The following TMEM51 variants were observed in gnomAD, a reference collection of about 807,000 sequenced individuals.
TMEM51 encodes transmembrane protein 51.
Under a neutral mutation model 13.6 loss-of-function variants are expected in TMEM51, and 8 were observed. That is an observed-to-expected ratio of 0.59 (90% CI 0.35 to 1.07). The LOEUF is 1.07. Ranked by LOEUF, TMEM51 falls within the 50% of genes least tolerant of loss-of-function variation. The pLI is 0.02. For missense variants in TMEM51, 279 were observed against 330.7 expected, an observed-to-expected ratio of 0.84 and a Z score of 1.21; for synonymous variants, 147 against 144.4, an observed-to-expected ratio of 1.02 and a Z score of -0.13.
At chr1:15,192,119 G>C in intron 1 of TMEM51, 2 of 468,536 alleles carry the variant, frequency 4.3e-6, no homozygotes, top group South Asian at 3.3e-5. Context: ...CTGACCAGCT[G>C]TCCGTTTTGA....
chr1:15,212,470 C>G lies in TMEM51; in HGVS notation c.-194+1908C>G, dbSNP rs189538973. Among the ~76,000 whole-genome samples the G allele has an allele frequency of 1.8e-3, 250 of 140,066 alleles. 1 individual carries two copies. Among genetic ancestry groups the G allele is most frequent in the African/African-American group, 6.0e-3 (241 of 39,924 alleles). The allele number at this position is 140,066 out of a possible 152,430, so 91.9% of individuals were successfully genotyped here. ...GCGGCTCAAATCACTAGTCTGCTAA[C>G]CACACTCTCAGCGTCCCACGTACAA... On this transcript the variant is annotated intron_variant, in intron 2 of 3. Coordinates refer to ENST00000376008, the MANE Select transcript of TMEM51 (RefSeq NM_001136218.2).
At chr1:15,185,680 T>C (rs1013872524) in intron 1 of TMEM51, among the ~76,000 whole-genome samples, 14 of 152,218 alleles carry the variant, frequency 9.2e-5, no homozygotes, top group African/African-American at 3.4e-4. Flanking sequence ...CTGTGACAGG[T>C]GATCTCCAAA....
intron 1 of TMEM51, among the ~76,000 whole-genome samples, chr1:15,175,951 A>G (rs1406965433): frequency 6.6e-6 from 1 of 152,172 alleles, no homozygotes; most frequent in East Asian, 1.9e-4. Context: ...TCTCAGTGAA[A>G]ATGTTGTCCT....
chr1:15,204,896 C>CG (rs1256500663), intron 1 of TMEM51, among the ~76,000 whole-genome samples: 2 of 151,844 alleles, frequency 1.3e-5, no homozygotes. Flanking sequence ...TTGCCAGGGT[C>CG]GGGGGGCTGC....
intron 1 of TMEM51, among the ~76,000 whole-genome samples, chr1:15,206,888 T>TCCC (rs921142017): frequency 4.6e-5 from 7 of 152,186 alleles, no homozygotes; most frequent in African/African-American, 1.7e-4. Context: ...GTCTAAAAGA[T>TCCC]CCCTGGTGCT....
At chr1:15,199,953 G>A (rs1644123253) in intron 1 of TMEM51, among the ~76,000 whole-genome samples, 1 of 152,150 alleles carries the variant, frequency 6.6e-6, no homozygotes, top group Non-Finnish European at 1.5e-5. Context: ...TACCGTGGAG[G>A]TTGTGAGCAC....
At chr1:15,166,231 A>T (rs182051374) in intron 1 of TMEM51, among the ~76,000 whole-genome samples, 1 of 152,314 alleles carries the variant, frequency 6.6e-6, no homozygotes, top group Admixed American at 6.5e-5. Flanking sequence ...TAGGCTTGTT[A>T]TGCATCCCAC....
In TMEM51 at chr1:15,164,194, AC is replaced by A. The variant is rs539165260; in HGVS notation, c.-267+10241del. The A allele has an allele frequency of 2.9e-4, 109 of 379,446 alleles. 2 individuals are homozygous for A. The highest frequency in any genetic ancestry group is 2.3e-3 in the African/African-American group (108 of 47,332). 23.5% of individuals were successfully genotyped at this position (379,446 alleles called of 1,614,324 possible). A position where few individuals can be genotyped will look rare whatever the true frequency, so the allele number is the denominator to read the frequency against. On this transcript the variant is annotated intron_variant, in intron 1 of 3. Transcript: ENST00000376008. ...AGCTAAGAAATTGACATCACAACTA[AC>A]TAAACTACAGACTTTATTTTGATTT... is the stretch of plus-strand genomic sequence containing the variant.
At chr1:15,160,732 T>C (rs903980673) in intron 1 of TMEM51, among the ~76,000 whole-genome samples, 1 of 151,904 alleles carries the variant, frequency 6.6e-6, no homozygotes, top group Admixed American at 6.6e-5. Flanking sequence ...CAGTGACAGA[T>C]GCAAATTCTC....
intron 1 of TMEM51, among the ~76,000 whole-genome samples, chr1:15,162,351 T>TG (rs1464880771): frequency 6.6e-6 from 1 of 151,930 alleles, no homozygotes; most frequent in African/African-American, 2.4e-5. Context: ...TTAGTAGAGA[T>TG]GGGGTTTCAC....
At chr1:15,213,602 G>A (rs72874043) in intron 2 of TMEM51, among the ~76,000 whole-genome samples, 1,606 of 152,256 alleles carry the variant, frequency 0.011, 27 homozygotes, top group African/African-American at 0.037. Flanking sequence ...TCTCTGGCTC[G>A]CTCTCAACCA....
At chr1:15,215,532 C>A in intron 3 of TMEM51, 101 bp downstream of exon 3, 3 of 1,137,582 alleles carry the variant, frequency 2.6e-6, no homozygotes, top group Non-Finnish European at 3.6e-6. Context: ...CTGTCATCTA[C>A]AGGCTTTATT....
At chr1:15,198,623 G>T (rs1361196946) in intron 1 of TMEM51, among the ~76,000 whole-genome samples, 1 of 152,060 alleles carries the variant, frequency 6.6e-6, no homozygotes, top group Non-Finnish European at 1.5e-5. Flanking sequence ...TCACCATGTT[G>T]ACCAGGCTGG....
rs1644389735 is a variant in TMEM51, at chr1:15,214,309, G to A, written c.-193-586G>A. 2.0e-5 allele frequency among the ~76,000 whole-genome samples: 3 copies of A among 152,136 alleles called. No homozygotes were observed. In the South Asian group the frequency reaches 6.2e-4, roughly 32 times the overall value. On this transcript the variant is annotated intron_variant, in intron 2 of 3. Transcript: ENST00000376008. ...AATGTTCTGGAGGGTGGTTGGGGGT[G>A]GGTAGTGCAAAGAAAGGCAGGCTGA...
At position 15,179,119 on chromosome 1, in the gene TMEM51, A is replaced by G. The variant is rs1333800247; in HGVS notation, c.-267+25165A>G. On this transcript the variant is annotated intron_variant, in intron 1 of 3. Coordinates refer to ENST00000376008, the MANE Select transcript of TMEM51 (RefSeq NM_001136218.2). ...ATCTGGACATGGGGCTTAAAAGAGA[A>G]CAGACTGGGGAATCGCACCCCAACT... Among the ~76,000 whole-genome samples the G allele has an allele frequency of 2.0e-5, 3 of 150,620 alleles. No individual in the cohort carries two copies. The East Asian group carries it at 6.0e-4, about 30-fold the overall frequency.
chr1:15,217,150 A>T (rs527423511), intron 3 of TMEM51, among the ~76,000 whole-genome samples: 40 of 152,298 alleles, frequency 2.6e-4, no homozygotes, highest in African/African-American at 9.4e-4. Flanking sequence ...CTCAAAATTG[A>T]GCTGCCAAAT....
chr1:15,214,153 G>GC (rs1176598263), intron 2 of TMEM51, among the ~76,000 whole-genome samples: 2 of 151,800 alleles, frequency 1.3e-5, no homozygotes, highest in African/African-American at 4.8e-5. Context: ...AACATTTTTT[G>GC]AGTCCCTGCT....
chr1:15,156,304 G>A (rs142474520), intron 1 of TMEM51, among the ~76,000 whole-genome samples: 2 of 152,272 alleles, frequency 1.3e-5, no homozygotes, highest in African/African-American at 4.8e-5. Context: ...GAGCTTCTGG[G>A]GCTCCCGTTT....
chr1:15,176,807 A>G (rs72640795), intron 1 of TMEM51, among the ~76,000 whole-genome samples: 1,765 of 152,338 alleles, frequency 0.012, 19 homozygotes, highest in South Asian at 0.019. Context: ...TCTGATAGAC[A>G]CAGTGGCTGG....
Sources: gnomAD v4.1 joint callset for allele counts (sites outside exome capture counted in the v4.1 genomes callset) on GRCh38, gnomAD v4.1.1 for gene constraint, MANE v1.5 for transcripts, NCBI Gene and HGNC (gene_info 2026-07-23, HGNC 2026-07-21) for gene names.